The following VCF1 variants were observed in gnomAD, a reference collection of about 807,000 sequenced individuals.
VCF1 encodes protein VCF1.
the VCF1 span, among the ~76,000 whole-genome samples, chr17:73,218,701 A>G: frequency 2.0e-5 from 3 of 151,990 alleles, no homozygotes; most frequent in Admixed American, 2.0e-4. Context: ...CCTGACCAAC[A>G]TGGAGAAACC....
the VCF1 span, among the ~76,000 whole-genome samples, chr17:73,216,731 G>A: frequency 6.6e-6 from 1 of 152,172 alleles, no homozygotes; most frequent in East Asian, 1.9e-4. Context: ...GTGAAGCAGA[G>A]GACGGGGAAG....
At chr17:73,221,597 C>T in the VCF1 span, among the ~76,000 whole-genome samples, 1 of 151,888 alleles carries the variant, frequency 6.6e-6, no homozygotes, top group African/African-American at 2.4e-5. Context: ...TTACACGAAA[C>T]AAAAAATTAG....
the VCF1 span, among the ~76,000 whole-genome samples, chr17:73,214,575 G>A: frequency 1.3e-5 from 2 of 152,162 alleles, no homozygotes; most frequent in Admixed American, 1.3e-4. Context: ...TTTGAAGTCT[G>A]TATTAGTGCC....
the VCF1 span, among the ~76,000 whole-genome samples, chr17:73,218,324 TAA>T: frequency 6.6e-6 from 1 of 152,234 alleles, no homozygotes; most frequent in Non-Finnish European, 1.5e-5. Context: ...AACCACTTTA[TAA>T]ATAAGCAAGG....
chr17:73,207,532 G>A, the VCF1 span: 1 of 598,068 alleles, frequency 1.7e-6, no homozygotes, highest in South Asian at 1.8e-5. Context: ...AATTTAGTAG[G>A]GTGAAAGAGT....
the VCF1 span, chr17:73,227,304 A>C: frequency 6.7e-7 from 1 of 1,492,390 alleles, no homozygotes; most frequent in African/African-American, 1.4e-5. Flanking sequence ...AAAAACCCAA[A>C]CAACCGATGT....
chr17:73,210,489 A>G, the VCF1 span, among the ~76,000 whole-genome samples: 3 of 140,788 alleles, frequency 2.1e-5, no homozygotes, highest in Non-Finnish European at 4.8e-5. Flanking sequence ...TCTGCAGTTC[A>G]TGTTTTAAAA....
At chr17:73,213,284 G>A in the VCF1 span, among the ~76,000 whole-genome samples, 8 of 151,882 alleles carry the variant, frequency 5.3e-5, no homozygotes, top group Non-Finnish European at 7.4e-5. Context: ...GTTTATAATG[G>A]CTAAAAATTG....
the VCF1 span, among the ~76,000 whole-genome samples, chr17:73,231,477 T>C: frequency 6.6e-6 from 1 of 152,074 alleles, no homozygotes; most frequent in Non-Finnish European, 1.5e-5. Flanking sequence ...TCCTCCCGCC[T>C]TCGGAGTCAA....
the VCF1 span, among the ~76,000 whole-genome samples, chr17:73,221,773 C>A: frequency 1.3e-5 from 2 of 151,942 alleles, no homozygotes; most frequent in African/African-American, 4.8e-5. Context: ...CGGTGGCTCA[C>A]GCCTGTAATC....
At chr17:73,207,779 C>A in the VCF1 span, 1 of 1,287,004 alleles carries the variant, frequency 7.8e-7, no homozygotes, top group Non-Finnish European at 1.0e-6. Flanking sequence ...TGTTTGAAAG[C>A]TCAAACAGCT....
chr17:73,207,895 T>C, the VCF1 span: 1 of 1,186,394 alleles, frequency 8.4e-7, no homozygotes, highest in Non-Finnish European at 1.1e-6. Context: ...CTAAAATCCT[T>C]GTCAAGTATC....
chr17:73,210,219 G>A, the VCF1 span, among the ~76,000 whole-genome samples: 6 of 152,244 alleles, frequency 3.9e-5, no homozygotes, highest in Admixed American at 2.0e-4. Flanking sequence ...GGGTATAAGC[G>A]AAGATAAAAA....
At chr17:73,207,815 T>G in the VCF1 span, 10 of 1,283,060 alleles carry the variant, frequency 7.8e-6, no homozygotes, top group South Asian at 1.3e-5. Flanking sequence ...TCGAGTTGTT[T>G]GCTTTATTGT....
the VCF1 span, among the ~76,000 whole-genome samples, chr17:73,230,291 GTCAATCAA>G: frequency 2.0e-5 from 3 of 152,028 alleles, no homozygotes; most frequent in African/African-American, 4.8e-5. Context: ...GTGAGACTCT[GTCAATCAA>G]TCAGTCAATC....
the VCF1 span, among the ~76,000 whole-genome samples, chr17:73,219,318 C>T: frequency 8.6e-5 from 13 of 151,394 alleles, no homozygotes; most frequent in African/African-American, 3.2e-4. Flanking sequence ...ATAAATTAGA[C>T]TAACAGCACT....
chr17:73,209,393 C>G, the VCF1 span: 2 of 1,165,876 alleles, frequency 1.7e-6, no homozygotes, highest in African/African-American at 3.1e-5. Context: ...GCCTGTTAAC[C>G]TGTTATTTCA....
chr17:73,207,848 T>A, the VCF1 span: 5 of 1,241,396 alleles, frequency 4.0e-6, no homozygotes, highest in Non-Finnish European at 5.2e-6. Flanking sequence ...TAGCAGTGTA[T>A]CCTTTCCGTA....
the VCF1 span, chr17:73,207,618 TC>T: frequency 4.7e-6 from 5 of 1,057,808 alleles, no homozygotes; most frequent in Non-Finnish European, 6.5e-6. Flanking sequence ...GGTTTTATCT[TC>T]CCTTTTAGTT....
Sources: gnomAD v4.1 joint callset for allele counts (sites outside exome capture counted in the v4.1 genomes callset) on GRCh38, gnomAD v4.1.1 for gene constraint, MANE v1.5 for transcripts, NCBI Gene and HGNC (gene_info 2026-07-23, HGNC 2026-07-21) for gene names.